The following STK25 variants were observed in gnomAD, a reference collection of about 807,000 sequenced individuals.
STK25 encodes the protein serine/threonine kinase 25.
Under a neutral mutation model 53.8 loss-of-function variants are expected in STK25, and 29 were observed. The observed-to-expected ratio is 0.54, with a 90% CI of 0.40 to 0.74. The LOEUF is 0.74. Ranked by LOEUF, STK25 falls within the 30% of genes least tolerant of loss-of-function variation. The pLI is 0.00. For missense variants in STK25, 420 were observed against 568.0 expected, an observed-to-expected ratio of 0.74 and a Z score of 2.65; for synonymous variants, 247 against 238.3, an observed-to-expected ratio of 1.04 and a Z score of -0.33.
In STK25 at chr2:241,500,189, G is replaced by A. The variant is rs1439696603; in HGVS notation, c.411C>T (p.Ile137=). The A allele has an allele frequency of 1.9e-6, 3 of 1,613,598 alleles. No individual in the cohort carries two copies. The highest frequency in any genetic ancestry group is 2.5e-6 in the Non-Finnish European group (3 of 1,179,878). ...CAGCAGGACCTTTGATGTCTCGGTG[G>A]ATCTTGCGTTCGGAGTGCAGATAAT... ...GLDYLHSERK[I]HRDIKAANVL... The change falls in exon 5 of 12, where the codon ATC becomes ATT. Residue 137 remains isoleucine, a synonymous_variant. Transcript: ENST00000316586.
At chr2:241,506,472 A>G (rs1008972708) in intron 2 of STK25, among the ~76,000 whole-genome samples, 3 of 152,206 alleles carry the variant, frequency 2.0e-5, no homozygotes, top group African/African-American at 4.8e-5. Context: ...TGCAGTTCTT[A>G]AAAATAAACT....
intron 2 of STK25, chr2:241,504,244 A>T (rs896057584): frequency 9.9e-6 from 4 of 403,442 alleles, no homozygotes; most frequent in Non-Finnish European, 1.5e-5. Flanking sequence ...ACCCTTGCTT[A>T]GCCCAAAGGT....
chr2:241,499,465 C>T lies in STK25; in HGVS notation c.428-51G>A, dbSNP rs2065374916. Reference sequence around the variant, plus strand: ...TCATCCCAGGCTCCACGTGGCTCCACCCCGGGCCCCCTGAGAAGGGCCAGG... The same window carrying T: ...TCATCCCAGGCTCCACGTGGCTCCATCCCGGGCCCCCTGAGAAGGGCCAGG... On this transcript the variant is annotated intron_variant, in intron 5 of 11. Transcript: ENST00000316586. The T allele has an allele frequency of 5.1e-6, 8 of 1,583,902 alleles. No homozygotes were observed. The East Asian group carries it at 1.8e-4, about 36-fold the overall frequency.
rs34868504 is a variant in STK25, at chr2:241,495,318, C to T, written c.*344G>A. The T allele has an allele frequency of 2.3e-5, 6 of 258,250 alleles. No homozygotes were observed. Among genetic ancestry groups the T allele is most frequent in the African/African-American group, 6.6e-5 (3 of 45,232 alleles). The allele number at this position is 258,250 out of a possible 1,614,324, so 16.0% of individuals were successfully genotyped here. ...CAGAGCTGCCCTGATAGTTGCTCTG[C>T]GCCTTGGTCTGAGCGGCCATAGGGC... On this transcript the variant is annotated 3_prime_UTR_variant, in exon 12 of 12. Coordinates refer to ENST00000316586, the MANE Select transcript of STK25 (RefSeq NM_001271977.2).
rs1275309953 is a variant in STK25, at chr2:241,508,531, C to G, written c.-189G>C. On this transcript the variant is annotated 5_prime_UTR_variant, in exon 1 of 12. Transcript: ENST00000316586. ...CGCAGCCTCTGTTCGCCCGGGGACC[C>G]CGGGCCTCCCAGCCCGCGAAGCAAC... is the stretch of plus-strand genomic sequence containing the variant. 1 of 1,002,206 alleles carries G rather than the reference C, an allele frequency of 1.0e-6. No homozygotes were observed. Among genetic ancestry groups the G allele is most frequent in the Non-Finnish European group, 1.2e-6 (1 of 839,874 alleles). The allele number at this position is 1,002,206 out of a possible 1,614,324, so 62.1% of individuals were successfully genotyped here. A position where few individuals can be genotyped will look rare whatever the true frequency, so the allele number is the denominator to read the frequency against.
At position 241,495,609 on chromosome 2, in the gene STK25, G is replaced by A; in HGVS notation, c.*53C>T. 6.3e-7 allele frequency: 1 copy of A among 1,596,828 alleles called. No homozygotes were observed. The highest frequency in any genetic ancestry group is 8.6e-7 in the Non-Finnish European group (1 of 1,164,188). On this transcript the variant is annotated 3_prime_UTR_variant, in exon 12 of 12. Coordinates refer to ENST00000316586, the MANE Select transcript of STK25 (RefSeq NM_001271977.2). ...TCCAAGTCAGCACAGTTCTTATGGA[G>A]CTCAGAACAAAAACAAACGACCTTC...
chr2:241,495,822 A>G, intron 11 of STK25, 121 bp from the exon 12 acceptor site: 1 of 974,094 alleles, frequency 1.0e-6, no homozygotes, highest in Non-Finnish European at 1.6e-6. Context: ...GTGGGTCTGA[A>G]GGTGTCCCCA....
chr2:241,508,286 G>A (rs1204808835), intron 1 of STK25, 151 bp from the exon 2 acceptor site: 3 of 1,270,228 alleles, frequency 2.4e-6, no homozygotes, highest in Non-Finnish European at 3.0e-6. Flanking sequence ...AGGCTCCCGG[G>A]GGCTCGCCGC....
intron 10 of STK25, 109 bp downstream of exon 10, chr2:241,497,507 C>T: frequency 8.8e-7 from 1 of 1,142,848 alleles, no homozygotes; most frequent in Non-Finnish European, 1.3e-6. Flanking sequence ...TGCAGGAAAG[C>T]TAGAAGCTGA....
Position 241,493,403 on chromosome 2 carries a change from C to T in STK25, c.*2259G>A, listed in dbSNP as rs143353723. ...TTTTCAAGCTCCAGTTCAAATCCCA[C>T]GTCTACTTCTTCCGGGCTGAGAGCA... On this transcript the variant is annotated 3_prime_UTR_variant, in exon 12 of 12. Transcript: ENST00000316586. 173 of 1,613,822 alleles carry T rather than the reference C, an allele frequency of 1.1e-4. No homozygotes were observed. Among genetic ancestry groups the T allele is most frequent in the Non-Finnish European group, 1.2e-4 (147 of 1,179,996 alleles).
chr2:241,499,985 G>T, intron 5 of STK25, 188 bp downstream of exon 5: 1 of 689,166 alleles, frequency 1.5e-6, no homozygotes. Context: ...AGCGTACAAG[G>T]AAACCGTTAC....
intron 2 of STK25, among the ~76,000 whole-genome samples, chr2:241,506,004 T>C (rs2065801803): frequency 6.6e-6 from 1 of 152,138 alleles, no homozygotes. Context: ...CTGTCAGTGT[T>C]GCCCCACAAA....
rs1047750275 is a variant in STK25, at chr2:241,495,264, G to A, written c.*398C>T. ...ACACTCCTCTGGGGGCTGCCCTGTT[G>A]CCTCTCCCCACCTCATGGGAGGAGG... On this transcript the variant is annotated 3_prime_UTR_variant, in exon 12 of 12. Coordinates refer to ENST00000316586, the MANE Select transcript of STK25 (RefSeq NM_001271977.2). 1 of 196,004 alleles carries A rather than the reference G, an allele frequency of 5.1e-6. No individual in the cohort carries two copies. The highest frequency in any genetic ancestry group is 1.1e-5 in the Non-Finnish European group (1 of 95,230). The allele number at this position is 196,004 out of a possible 1,614,324, so 12.1% of individuals were successfully genotyped here. A position where few individuals can be genotyped will look rare whatever the true frequency, so the allele number is the denominator to read the frequency against.
At position 241,498,289 on chromosome 2, in the gene STK25, C is replaced by A; in HGVS notation, c.978G>T (p.Arg326=). 6.2e-7 allele frequency: 1 copy of A among 1,605,462 alleles called. No individual in the cohort carries two copies. Among genetic ancestry groups the A allele is most frequent in the Non-Finnish European group, 8.5e-7 (1 of 1,174,282 alleles). ...GPIWTFPPTI[R]PSPHSKLHKG... ...TGTGAAGCTTGCTGTGTGGACTCGG[C>A]CGGATGGTAGGGGGGAACGTCCAGA... The change falls in exon 9 of 12, where the codon CGG becomes CGT. Residue 326 remains arginine (R), a synonymous_variant. Transcript: ENST00000316586.
At chr2:241,508,336 C>T (rs2065984232) in intron 1 of STK25, 107 bp downstream of exon 1, 5 of 1,191,934 alleles carry the variant, frequency 4.2e-6, no homozygotes, top group South Asian at 5.6e-5. Context: ...AGGCAGCTTC[C>T]TCCCGGTGCC....
At chr2:241,505,535 C>T (rs1559843591) in intron 2 of STK25, among the ~76,000 whole-genome samples, 2 of 152,194 alleles carry the variant, frequency 1.3e-5, no homozygotes, top group African/African-American at 4.8e-5. Flanking sequence ...CGCGTCCTCC[C>T]GCCCTGCTCT....
At chr2:241,499,483 G>T in intron 5 of STK25, 69 bp from the exon 6 acceptor site, 1 of 1,554,032 alleles carries the variant, frequency 6.4e-7, no homozygotes, top group Non-Finnish European at 8.7e-7. Context: ...CCCCTGAGAA[G>T]GGCCAGGGTA....
chr2:241,501,432 G>T lies in STK25; in HGVS notation c.261+46C>A. 1 of 1,572,034 alleles carries T rather than the reference G, an allele frequency of 6.4e-7. No individual in the cohort carries two copies. The highest frequency in any genetic ancestry group is 8.7e-7 in the Non-Finnish European group (1 of 1,147,718). On this transcript the variant is annotated intron_variant, in intron 3 of 11. Coordinates refer to ENST00000316586, the MANE Select transcript of STK25 (RefSeq NM_001271977.2). The surrounding 1 kb of genome is among the most constrained non-coding windows in gnomAD (Gnocchi z 5.3). The stretch of plus-strand genomic sequence containing the variant: ...CTCAGTCCCTCTGACATGGAAGAGA[G>T]CCGGGCACAGCACCAGCAGGGTCCC...
In STK25 at chr2:241,493,785, C is replaced by T; in HGVS notation, c.*1877G>A. ...CTAATTTTTGTATTTTTAGTAGAGA[C>T]AGGGTTTCACCATGTTGGCCAGGCT... On this transcript the variant is annotated 3_prime_UTR_variant, in exon 12 of 12. Coordinates refer to ENST00000316586, the MANE Select transcript of STK25 (RefSeq NM_001271977.2). The T allele has an allele frequency of 2.1e-6, 1 of 485,314 alleles. No individual in the cohort carries two copies. Among genetic ancestry groups the T allele is most frequent in the South Asian group, 3.5e-5 (1 of 28,912 alleles). The allele number at this position is 485,314 out of a possible 1,614,324, so 30.1% of individuals were successfully genotyped here.
Sources: gnomAD v4.1 joint callset for allele counts (sites outside exome capture counted in the v4.1 genomes callset) on GRCh38, gnomAD v4.1.1 for gene constraint, Gnocchi (gnomAD v3.1) non-coding constraint, MANE v1.5 for transcripts, NCBI Gene and HGNC (gene_info 2026-07-23, HGNC 2026-07-21) for gene names.